Variants in PLCD4 observed in about 807,000 individuals in gnomAD.
The protein encoded by PLCD4 is phospholipase C delta 4, also known as 1-phosphatidylinositol 4,5-bisphosphate phosphodiesterase delta-4.
A neutral mutation model predicts 90.2 loss-of-function variants in PLCD4; 63 were observed. The ratio of observed to expected loss-of-function variants is 0.70; its 90% confidence interval spans 0.57 to 0.86. The LOEUF (loss-of-function observed/expected upper bound fraction) is 0.86. Among genes scored for constraint, PLCD4 ranks in the 40% least tolerant of loss-of-function variants. The pLI is 0.00. For synonymous variants in PLCD4, 294 were observed against 356.5 expected (o/e 0.82, Z 1.97); for missense variants, 830 against 956.3 (o/e 0.87, Z 1.74).
chr2:218,633,617 A>C lies in PLCD4; in HGVS notation c.1462A>C (p.Ile488Leu). Residue 488 changes from isoleucine to leucine, a missense_variant, in exon 11 of 16, where the codon ATC (isoleucine) becomes CTC (leucine). Transcript: ENST00000450993. ...NKDKKKKSKP[I>L]LCPALSSLVI... Reference sequence around the variant, plus strand: ...CCACCTTCTCCAGAAATCCAAGCCCATCTTGTGTCCAGCCCTCTCTTCCCT... The same window carrying C: ...CCACCTTCTCCAGAAATCCAAGCCCCTCTTGTGTCCAGCCCTCTCTTCCCT... The C allele has an allele frequency of 6.2e-7, 1 of 1,613,574 alleles. No homozygotes were observed. The highest frequency in any genetic ancestry group is 8.5e-7 in the Non-Finnish European group (1 of 1,179,544).
chr2:218,609,996 A>T (rs1695259401), intron 1 of PLCD4: 1 of 152,514 alleles, frequency 6.6e-6, no homozygotes, highest in Non-Finnish European at 1.5e-5. Context: ...AGAGGTGGGG[A>T]TGGGGCTGGG....
chr2:218,635,851 T>C lies in PLCD4; in HGVS notation c.1952T>C (p.Val651Ala). The change falls in exon 14 of 16, where the codon GTG becomes GCG. Residue 651 changes from valine (V) to alanine (A), a missense_variant. Coordinates refer to ENST00000450993, the MANE Select transcript of PLCD4 (RefSeq NM_032726.4). ...KVDKTKEGSI[V>A]DPLVKVQIFG... Reference sequence around the variant, plus strand: ...GACAAGACCAAAGAGGGGTCCATTGTGGATCCACTGGTGAAAGTGCAGATC... The same window carrying C: ...GACAAGACCAAAGAGGGGTCCATTGCGGATCCACTGGTGAAAGTGCAGATC... The C allele has an allele frequency of 2.5e-6, 4 of 1,614,010 alleles. No homozygotes were observed. The highest frequency in any genetic ancestry group is 3.4e-6 in the Non-Finnish European group (4 of 1,179,884).
intron 1 of PLCD4, among the ~76,000 whole-genome samples, chr2:218,612,867 A>C (rs922563027): frequency 6.6e-6 from 1 of 152,174 alleles, no homozygotes; most frequent in Non-Finnish European, 1.5e-5. Flanking sequence ...CTTAGTCACT[A>C]CTAGGTGACT....
At chr2:218,615,882 A>T in intron 2 of PLCD4, 22 bp from the exon 3 acceptor site, 1 of 1,613,054 alleles carries the variant, frequency 6.2e-7, no homozygotes, top group South Asian at 1.1e-5. Flanking sequence ...TGGCTACCTA[A>T]CCCCTGCTTT....
rs555720330 is a variant in PLCD4 at position 218,634,690 on chromosome 2, G to A, written c.1896+60G>A. ...GATAACTGGGATAGAAGTGAGGGAA[G>A]AGGTGGCTAGGCCTGACCGGAATGT... On this transcript the variant is annotated intron_variant, in intron 13 of 15. Transcript: ENST00000450993. The surrounding 1 kb of genome is among the most constrained non-coding windows in gnomAD (Gnocchi z 4.0). The A allele has an allele frequency of 1.3e-6, 2 of 1,576,662 alleles. No homozygotes were observed. The highest frequency in any genetic ancestry group is 1.7e-6 in the Non-Finnish European group (2 of 1,154,326).
intron 6 of PLCD4, among the ~76,000 whole-genome samples, chr2:218,625,007 G>A (rs1434060910): frequency 6.8e-6 from 1 of 146,648 alleles, no homozygotes; most frequent in African/African-American, 2.5e-5. Context: ...AGTTACTCGG[G>A]AGGCTGAGAC....
At chr2:218,635,433 G>C (rs1429774078) in intron 13 of PLCD4, among the ~76,000 whole-genome samples, 1 of 152,136 alleles carries the variant, frequency 6.6e-6, no homozygotes. Context: ...CCGCCTCCTG[G>C]GTTCAAGTGA....
In PLCD4 at chr2:218,629,373, G is replaced by A. The variant is rs902218298; in HGVS notation, c.975-146G>A. On this transcript the variant is annotated intron_variant, in intron 7 of 15. Coordinates refer to ENST00000450993, the MANE Select transcript of PLCD4 (RefSeq NM_032726.4). Reference sequence around the variant, plus strand: ...GCTTGCAGCAGTGTCCCCATGGATGGAGAAGGCTCTATGCAGATGTAGCTT... The same window carrying A: ...GCTTGCAGCAGTGTCCCCATGGATGAAGAAGGCTCTATGCAGATGTAGCTT... The A allele has an allele frequency of 1.1e-5, 10 of 903,812 alleles. No individual in the cohort carries two copies. The African/African-American group carries it at 1.5e-4, about 14-fold the overall frequency. 56.0% of individuals were successfully genotyped at this position (903,812 alleles called of 1,614,324 possible).
Position 218,629,583 on chromosome 2 carries a change from G to C in PLCD4, c.1039G>C (p.Val347Leu). The change falls in exon 8 of 16, where the codon GTC (valine) becomes CTC (leucine). Residue 347 changes from valine to leucine, a missense_variant. By Grantham distance (32) the Val-to-Leu change is conservative. Coordinates refer to ENST00000450993, the MANE Select transcript of PLCD4 (RefSeq NM_032726.4). ...ATGGGATGGACCTAGCGGGGAACCTGTCGTTTACCACGGACACACCCTGAC... is the reference window on the plus strand; with the variant it reads ...ATGGGATGGACCTAGCGGGGAACCTCTCGTTTACCACGGACACACCCTGAC... The part of the protein sequence containing the change: ...DVWDGPSGEP[V>L]VYHGHTLTSR... The C allele has an allele frequency of 6.2e-7, 1 of 1,613,846 alleles. No homozygotes were observed. The highest frequency in any genetic ancestry group is 8.5e-7 in the Non-Finnish European group (1 of 1,179,876).
At chr2:218,609,319 T>A (rs1440427374) in intron 1 of PLCD4, 1 of 152,130 alleles carries the variant, frequency 6.6e-6, no homozygotes, top group Admixed American at 6.6e-5. Context: ...AATCCCACTG[T>A]AATCTCCTTG....
At chr2:218,625,855 AC>A (rs1696094144) in intron 6 of PLCD4, among the ~76,000 whole-genome samples, 1 of 152,044 alleles carries the variant, frequency 6.6e-6, no homozygotes, top group African/African-American at 2.4e-5. Context: ...AATCGATTGA[AC>A]CCGGGAGGCG....
At chr2:218,631,335 T>C (rs1696353847) in intron 9 of PLCD4, among the ~76,000 whole-genome samples, 1 of 152,108 alleles carries the variant, frequency 6.6e-6, no homozygotes, top group South Asian at 2.1e-4. Flanking sequence ...TGGCTAGTTT[T>C]TGTATTTTAG....
chr2:218,608,180 T>C (rs1475880985), intron 1 of PLCD4, 110 bp downstream of exon 1: 1 of 152,540 alleles, frequency 6.6e-6, no homozygotes, highest in East Asian at 1.9e-4. Context: ...TACCCTAGAC[T>C]CCTTTCCTCA....
chr2:218,613,890 C>T (rs986809419), intron 1 of PLCD4, among the ~76,000 whole-genome samples: 1 of 152,064 alleles, frequency 6.6e-6, no homozygotes, highest in Non-Finnish European at 1.5e-5. Flanking sequence ...TCTATAGGGG[C>T]ATAGCTAGAA....
chr2:218,634,093 A>G lies in PLCD4; in HGVS notation c.1607-12A>G. ...ACCCCACTTCCATCTCCCTCTCTAT[A>G]CCCTTTTACAGGCAATGAGTTTGTG... On this transcript the variant is annotated splice_polypyrimidine_tract_variant and intron_variant, in intron 11 of 15. Transcript: ENST00000450993. The surrounding 1 kb of genome is among the most constrained non-coding windows in gnomAD (Gnocchi z 4.0). The G allele has an allele frequency of 6.2e-7, 1 of 1,600,180 alleles. No homozygotes were observed.
chr2:218,630,853 G>A (rs1460464909), intron 9 of PLCD4, 51 bp downstream of exon 9: 7 of 1,533,050 alleles, frequency 4.6e-6, no homozygotes, highest in South Asian at 2.5e-5. Flanking sequence ...TCTGGATTCC[G>A]CCACCTGGGC....
chr2:218,636,404 C>A lies in PLCD4; in HGVS notation c.2182+12C>A. The A allele has an allele frequency of 6.2e-7, 1 of 1,613,994 alleles. No homozygotes were observed. The highest frequency in any genetic ancestry group is 2.2e-5 in the East Asian group (1 of 44,874). ...CTGCATGCAACAAGGTGAGCCAGCC[C>A]CTTTGGCCCCTGGCCAATACCCCAG... On this transcript the variant is annotated intron_variant, in intron 15 of 15. Coordinates refer to ENST00000450993, the MANE Select transcript of PLCD4 (RefSeq NM_032726.4).
chr2:218,631,563 G>A (rs1410545193), intron 9 of PLCD4, among the ~76,000 whole-genome samples: 1 of 152,152 alleles, frequency 6.6e-6, no homozygotes, highest in East Asian at 1.9e-4. Flanking sequence ...TTGGGAGGCT[G>A]AGGCAGGTGG....
intron 3 of PLCD4, among the ~76,000 whole-genome samples, chr2:218,617,977 C>T (rs1695694976): frequency 6.6e-6 from 1 of 152,132 alleles, no homozygotes; most frequent in South Asian, 2.1e-4. Flanking sequence ...GTCCCAGCTA[C>T]TCAGGAGGCT....
Sources: allele counts gnomAD v4.1 joint callset (sites outside exome capture counted in the v4.1 genomes callset), GRCh38; gene constraint gnomAD v4.1.1; non-coding constraint Gnocchi (gnomAD v3.1); transcripts MANE v1.5; gene names NCBI Gene and HGNC (gene_info 2026-07-23, HGNC 2026-07-21).